MAN1C1: variants seen among roughly 807,000 people sequenced by gnomAD.
MAN1C1 encodes mannosidase alpha class 1C member 1.
In MAN1C1, 49 loss-of-function variants were observed where a neutral mutation model predicts 71.5. That is an observed-to-expected ratio of 0.69 (90% CI 0.54 to 0.87). MAN1C1 has a LOEUF of 0.87. Ranked by LOEUF, MAN1C1 falls within the 40% of genes least tolerant of loss-of-function variation. The pLI is 0.00. For synonymous variants in MAN1C1, 352 were observed against 343.7 expected, an observed-to-expected ratio of 1.02 and a Z score of -0.27; for missense variants, 743 against 835.0, an observed-to-expected ratio of 0.89 and a Z score of 1.36.
At chr1:25,639,415 A>T (rs2045508534) in intron 1 of MAN1C1, among the ~76,000 whole-genome samples, 1 of 152,170 alleles carries the variant, frequency 6.6e-6, no homozygotes, top group Admixed American at 6.5e-5. Context: ...GACACTTTTT[A>T]TTCTATGCTA....
chr1:25,670,406 G>C (rs1384461552), intron 1 of MAN1C1, among the ~76,000 whole-genome samples: 1 of 152,210 alleles, frequency 6.6e-6, no homozygotes, highest in East Asian at 1.9e-4. Context: ...AAAAGAACTG[G>C]TTCCGCCTCT....
chr1:25,720,039 CT>C (rs2046742505), intron 2 of MAN1C1, among the ~76,000 whole-genome samples: 1 of 152,192 alleles, frequency 6.6e-6, no homozygotes. Flanking sequence ...CTGCCTCAGC[CT>C]CCCAGAGTGC....
At chr1:25,627,442 T>G (rs2045314547) in intron 1 of MAN1C1, among the ~76,000 whole-genome samples, 2 of 152,138 alleles carry the variant, frequency 1.3e-5, no homozygotes, top group South Asian at 4.1e-4. Context: ...GCCCAACTAA[T>G]TTTTGTATTT....
chr1:25,782,204 T>A lies in MAN1C1; in HGVS notation c.1651-381T>A, dbSNP rs2047704799. Among the ~76,000 whole-genome samples the A allele has an allele frequency of 6.6e-6, 1 of 152,206 alleles. No homozygotes were observed. The highest frequency in any genetic ancestry group is 1.5e-5 in the Non-Finnish European group (1 of 68,028). On this transcript the variant is annotated intron_variant, in intron 10 of 11. Coordinates refer to ENST00000374332, the MANE Select transcript of MAN1C1 (RefSeq NM_020379.4). The surrounding 1 kb of genome is among the most constrained non-coding windows in gnomAD (Gnocchi z 4.4). ...AAGTCCGTCCCCAAATCCCAGCCCA[T>A]GGCCATCACCCGTGGCTTCTCTTCA...
intron 2 of MAN1C1, among the ~76,000 whole-genome samples, chr1:25,687,200 GGGGGCAT>G (rs1318517947): frequency 6.6e-6 from 1 of 152,180 alleles, no homozygotes; most frequent in Non-Finnish European, 1.5e-5. Context: ...CATCAGGAGC[GGGGGCAT>G]GGGGCATGGG....
intron 2 of MAN1C1, among the ~76,000 whole-genome samples, chr1:25,737,524 CCATTCATT>C (rs975340995): frequency 6.6e-6 from 1 of 152,176 alleles, no homozygotes; most frequent in African/African-American, 2.4e-5. Flanking sequence ...TTTCCAATCG[CCATTCATT>C]CATTCATTCA....
At chr1:25,669,184 G>A (rs771371749) in intron 1 of MAN1C1, among the ~76,000 whole-genome samples, 1 of 152,150 alleles carries the variant, frequency 6.6e-6, no homozygotes, top group Non-Finnish European at 1.5e-5. Flanking sequence ...TCCTGTAGCT[G>A]GTTTACAGGC....
At chr1:25,736,983 G>A (rs373826400) in intron 2 of MAN1C1, among the ~76,000 whole-genome samples, 35 of 152,320 alleles carry the variant, frequency 2.3e-4, no homozygotes, top group Admixed American at 1.5e-3. Context: ...TAAAGTTCAC[G>A]TGCTCTGGAA....
Position 25,758,529 on chromosome 1 carries a change from C to T in MAN1C1, c.930-63C>T. The T allele has an allele frequency of 3.5e-6, 5 of 1,429,384 alleles. No individual in the cohort carries two copies. In the South Asian group the frequency reaches 4.6e-5, roughly 13 times the overall value. The allele number at this position is 1,429,384 out of a possible 1,614,324, so 88.5% of individuals were successfully genotyped here. ...TGCCCCCACCGAGCAGCTGCTGTTA[C>T]TGTCAGCAGAGGAGCCAGCCTGGCC... On this transcript the variant is annotated intron_variant, in intron 5 of 11. Transcript: ENST00000374332.
chr1:25,657,609 T>C (rs1461048016), intron 1 of MAN1C1, among the ~76,000 whole-genome samples: 2 of 152,248 alleles, frequency 1.3e-5, no homozygotes, highest in Non-Finnish European at 2.9e-5. Flanking sequence ...TAGCTTGTTG[T>C]ACTTCAGTTC....
intron 2 of MAN1C1, among the ~76,000 whole-genome samples, chr1:25,691,405 C>T (rs72875626): frequency 0.046 from 6,982 of 152,196 alleles, 524 homozygotes; most frequent in African/African-American, 0.16. Flanking sequence ...TGACCTTGGG[C>T]GAGTTTCTTA....
rs1055223405 is a variant in MAN1C1, at chr1:25,725,910, C to T, written c.638-20758C>T. 6.6e-6 allele frequency among the ~76,000 whole-genome samples: 1 copy of T among 152,172 alleles called. No individual in the cohort carries two copies. The highest frequency in any genetic ancestry group is 1.5e-5 in the Non-Finnish European group (1 of 68,022). ...CATCCTGGGCTGAGGCTCAGCGGTA[C>T]GGCATGCTGAGCTGAGTGTGGCTGT... On this transcript the variant is annotated intron_variant, in intron 2 of 11. Coordinates refer to ENST00000374332, the MANE Select transcript of MAN1C1 (RefSeq NM_020379.4). This position sits in a 1 kb window ranked among gnomAD's most constrained non-coding sequence, Gnocchi z 4.8.
chr1:25,727,418 A>G (rs1265367192), intron 2 of MAN1C1, among the ~76,000 whole-genome samples: 1 of 152,242 alleles, frequency 6.6e-6, no homozygotes, highest in Non-Finnish European at 1.5e-5. Flanking sequence ...GGAATGAGAC[A>G]GCATGGGAGG....
chr1:25,728,220 G>T (rs113370552), intron 2 of MAN1C1, among the ~76,000 whole-genome samples: 8 of 152,144 alleles, frequency 5.3e-5, no homozygotes, highest in Admixed American at 1.3e-4. Context: ...GAGCTTCTCC[G>T]GGCCTTAGCT....
At chr1:25,692,754 G>C (rs1271319873) in intron 2 of MAN1C1, among the ~76,000 whole-genome samples, 12 of 152,198 alleles carry the variant, frequency 7.9e-5, no homozygotes, top group Non-Finnish European at 1.5e-4. Context: ...CTCTGGGTTG[G>C]TGTGTGCCAC....
intron 2 of MAN1C1, among the ~76,000 whole-genome samples, chr1:25,708,877 G>A (rs1304804249): frequency 6.6e-6 from 1 of 151,602 alleles, no homozygotes; most frequent in Non-Finnish European, 1.5e-5. Flanking sequence ...AGAGCGAAAC[G>A]CTGTCAAAAG....
At chr1:25,643,207 G>A (rs1337579080) in intron 1 of MAN1C1, among the ~76,000 whole-genome samples, 2 of 151,260 alleles carry the variant, frequency 1.3e-5, no homozygotes, top group African/African-American at 2.4e-5. Context: ...TTGTCTGGCT[G>A]CAGTCCTTAG....
chr1:25,747,198 C>T (rs955794403), intron 3 of MAN1C1, among the ~76,000 whole-genome samples: 3 of 152,176 alleles, frequency 2.0e-5, no homozygotes, highest in African/African-American at 7.2e-5. Flanking sequence ...GCCTTGAGCC[C>T]GCCCTGCACT....
chr1:25,653,406 A>T (rs2045720277), intron 1 of MAN1C1, among the ~76,000 whole-genome samples: 1 of 152,068 alleles, frequency 6.6e-6, no homozygotes, highest in South Asian at 2.1e-4. Flanking sequence ...ACCCCCAACC[A>T]TTTCCCAATA....
Sources: gnomAD v4.1 joint callset for allele counts (sites outside exome capture counted in the v4.1 genomes callset) on GRCh38, gnomAD v4.1.1 for gene constraint, Gnocchi (gnomAD v3.1) non-coding constraint, MANE v1.5 for transcripts, NCBI Gene and HGNC (gene_info 2026-07-23, HGNC 2026-07-21) for gene names.